DNM3: variants seen among roughly 807,000 people sequenced by gnomAD.
The protein encoded by DNM3 is dynamin 3.
In DNM3, 47 loss-of-function variants were observed where a neutral mutation model predicts 101.6. The observed-to-expected ratio is 0.46, with a 90% CI of 0.37 to 0.59. The LOEUF is 0.59. Ranked by LOEUF, DNM3 falls within the 20% of genes least tolerant of loss-of-function variation. The probability of loss-of-function intolerance (pLI) is 0.00; values close to 1 mark genes in which losing one functional copy is unlikely to be tolerated. For synonymous variants in DNM3, 385 were observed against 387.9 expected (o/e 0.99, Z 0.09); for missense variants, 849 against 1,085.7 (o/e 0.78, Z 3.06).
intron 17 of DNM3, among the ~76,000 whole-genome samples, chr1:172,360,007 A>G (rs1221140924): frequency 6.6e-6 from 1 of 152,048 alleles, no homozygotes; most frequent in Admixed American, 6.6e-5. Flanking sequence ...AAAAAATGCA[A>G]CAGATAGTTT....
chr1:172,087,422 C>G (rs1457521541), intron 12 of DNM3, among the ~76,000 whole-genome samples: 1 of 152,160 alleles, frequency 6.6e-6, no homozygotes, highest in Non-Finnish European at 1.5e-5. Context: ...CATTTCAAGA[C>G]TTTTCACTGG....
intron 17 of DNM3, among the ~76,000 whole-genome samples, chr1:172,362,087 A>G (rs2067770975): frequency 6.6e-6 from 1 of 151,844 alleles, no homozygotes; most frequent in South Asian, 2.1e-4. Context: ...CTTTATCTTT[A>G]CCTCAGCTGA....
At chr1:172,205,143 C>CT (rs1296411118) in intron 14 of DNM3, among the ~76,000 whole-genome samples, 1 of 152,080 alleles carries the variant, frequency 6.6e-6, no homozygotes, top group African/African-American at 2.4e-5. Context: ...GGGTAATAGT[C>CT]TTGAAAGTTT....
intron 16 of DNM3, among the ~76,000 whole-genome samples, chr1:172,314,167 T>C (rs2065205937): frequency 6.6e-6 from 1 of 152,316 alleles, no homozygotes; most frequent in East Asian, 1.9e-4. Context: ...CGTATGTTTA[T>C]TGCAGCACTG....
intron 12 of DNM3, among the ~76,000 whole-genome samples, chr1:172,088,377 T>A (rs902876005): frequency 2.6e-5 from 4 of 152,166 alleles, no homozygotes; most frequent in Non-Finnish European, 5.9e-5. Flanking sequence ...CTGCTTCCTG[T>A]CTTCTCTGCT....
chr1:172,383,161 C>T (rs1573680209), intron 18 of DNM3, among the ~76,000 whole-genome samples: 1 of 152,288 alleles, frequency 6.6e-6, no homozygotes, highest in East Asian at 1.9e-4. Flanking sequence ...GTCCCACTCT[C>T]TTCTCCCCTG....
intron 14 of DNM3, among the ~76,000 whole-genome samples, chr1:172,194,160 G>A (rs9425504): frequency 0.24 from 35,832 of 152,018 alleles, 7,063 homozygotes; most frequent in African/African-American, 0.54. Flanking sequence ...TTTCCATGTA[G>A]TTGAGCGGTT....
At chr1:172,160,397 C>T (rs1308175954) in intron 14 of DNM3, among the ~76,000 whole-genome samples, 3 of 151,944 alleles carry the variant, frequency 2.0e-5, no homozygotes, top group Admixed American at 1.3e-4. Context: ...TTTTTAATAT[C>T]CTTATTCTAT....
chr1:172,086,796 A>G (rs1200529438), intron 12 of DNM3, among the ~76,000 whole-genome samples: 1 of 151,954 alleles, frequency 6.6e-6, no homozygotes, highest in East Asian at 1.9e-4. Flanking sequence ...ACTCTATAGC[A>G]CTGTTGCACA....
intron 13 of DNM3, among the ~76,000 whole-genome samples, chr1:172,095,728 A>T (rs145754020): frequency 2.6e-5 from 4 of 152,332 alleles, no homozygotes; most frequent in African/African-American, 9.6e-5. Context: ...ATTGTTGTGC[A>T]GCATCTGTTC....
chr1:172,269,912 C>A (rs1408882943), intron 15 of DNM3, among the ~76,000 whole-genome samples: 1 of 152,092 alleles, frequency 6.6e-6, no homozygotes, highest in Non-Finnish European at 1.5e-5. Context: ...TAGCTGGGCC[C>A]AGCCTGAAGG....
chr1:172,143,232 A>C (rs2057684046), intron 14 of DNM3, among the ~76,000 whole-genome samples: 1 of 152,182 alleles, frequency 6.6e-6, no homozygotes, highest in Non-Finnish European at 1.5e-5. Context: ...TTAGAAAAGA[A>C]TTTGTTCAGG....
intron 14 of DNM3, among the ~76,000 whole-genome samples, chr1:172,252,531 A>C (rs1280109380): frequency 1.3e-5 from 2 of 152,124 alleles, no homozygotes; most frequent in East Asian, 3.9e-4. Flanking sequence ...GTTATGACTA[A>C]GTCTCCATTC....
intron 1 of DNM3, among the ~76,000 whole-genome samples, chr1:171,862,261 T>C (rs55721406): frequency 0.023 from 3,492 of 152,240 alleles, 130 homozygotes; most frequent in African/African-American, 0.079. Context: ...AAAACACAAA[T>C]ATGTACATGC....
intron 2 of DNM3, among the ~76,000 whole-genome samples, chr1:171,984,975 G>T (rs1241897177): frequency 2.6e-5 from 4 of 152,152 alleles, no homozygotes; most frequent in African/African-American, 9.7e-5. Context: ...AAGAGTTTGA[G>T]AACTCATTTA....
At chr1:172,359,475 T>C (rs2067630348) in intron 17 of DNM3, among the ~76,000 whole-genome samples, 1 of 152,000 alleles carries the variant, frequency 6.6e-6, no homozygotes, top group African/African-American at 2.4e-5. Flanking sequence ...GATTGGCATT[T>C]AAAACCATTG....
intron 17 of DNM3, among the ~76,000 whole-genome samples, chr1:172,337,835 T>C (rs900569580): frequency 1.6e-4 from 24 of 150,366 alleles, no homozygotes; most frequent in South Asian, 4.2e-4. Flanking sequence ...GGCTTGGGAG[T>C]ATTCATTTTA....
At chr1:172,071,086 C>CATATATAT (rs56255511) in intron 11 of DNM3, among the ~76,000 whole-genome samples, 2,018 of 64,936 alleles carry the variant, frequency 0.031, 80 homozygotes, top group African/African-American at 0.037. Flanking sequence ...CAAGACCCTG[C>CATATATAT]ATATATATAT....
intron 2 of DNM3, among the ~76,000 whole-genome samples, chr1:171,932,060 C>T (rs1205887993): frequency 2.7e-5 from 3 of 111,084 alleles, no homozygotes; most frequent in Non-Finnish European, 5.6e-5. Context: ...CCCACCCTCC[C>T]TCCATTCCTC....
Sources: allele counts gnomAD v4.1 joint callset (sites outside exome capture counted in the v4.1 genomes callset), GRCh38; gene constraint gnomAD v4.1.1; transcripts MANE v1.5; gene names NCBI Gene and HGNC (gene_info 2026-07-23, HGNC 2026-07-21).